The following CCDC198 variants were observed in gnomAD, a reference collection of about 807,000 sequenced individuals.
CCDC198 encodes coiled-coil domain containing 198.
CCDC198 carries 18 observed loss-of-function variants against 35.6 expected under a neutral mutation model. The observed-to-expected ratio is 0.51, with a 90% CI of 0.35 to 0.75. CCDC198 has a LOEUF of 0.75. Ranked by LOEUF, CCDC198 falls within the 30% of genes least tolerant of loss-of-function variation. The pLI is 0.01. For missense variants in CCDC198, 365 were observed against 343.7 expected (o/e 1.06, Z -0.49); for synonymous variants, 119 against 113.4 (o/e 1.05, Z -0.31).
chr14:57,485,213 G>T (rs2067318422), intron 2 of CCDC198, among the ~76,000 whole-genome samples: 1 of 152,116 alleles, frequency 6.6e-6, no homozygotes, highest in Non-Finnish European at 1.5e-5. Flanking sequence ...GAGATTTTGG[G>T]GAATAATCCC....
intron 2 of CCDC198, among the ~76,000 whole-genome samples, chr14:57,488,758 C>G (rs543989014): frequency 5.5e-4 from 83 of 152,110 alleles, no homozygotes; most frequent in African/African-American, 2.0e-3. Context: ...TGCATACAGT[C>G]AACAAACATG....
intron 2 of CCDC198, among the ~76,000 whole-genome samples, chr14:57,484,639 C>G (rs1361051442): frequency 6.6e-6 from 1 of 152,150 alleles, no homozygotes; most frequent in African/African-American, 2.4e-5. Context: ...TGATCATGAT[C>G]TCTTGAAGGA....
At chr14:57,475,799 T>C (rs2066974701) in intron 5 of CCDC198, 3 of 249,638 alleles carry the variant, frequency 1.2e-5, no homozygotes, top group Non-Finnish European at 1.5e-5. Context: ...TTTTTTTTTT[T>C]TTTTTTTTTT....
At chr14:57,486,567 C>T (rs2067367395) in intron 2 of CCDC198, among the ~76,000 whole-genome samples, 3 of 152,060 alleles carry the variant, frequency 2.0e-5, no homozygotes. Context: ...TCAAAACTCT[C>T]CCAGGGATTC....
Position 57,481,001 on chromosome 14 carries a change from C to A in CCDC198, c.496-247G>T, listed in dbSNP as rs377292177. Among the ~76,000 whole-genome samples the A allele has an allele frequency of 2.0e-4, 30 of 152,298 alleles. No individual in the cohort carries two copies. In the East Asian group the frequency reaches 4.2e-3, roughly 22 times the overall value. ...GGCTCAATTAAGATGAGGACCTTTA[C>A]AAAAGTGTGTTTCTGTCAGCTAGCT... On this transcript the variant is annotated intron_variant, in intron 4 of 5. Transcript: ENST00000216445.
intron 5 of CCDC198, chr14:57,480,226 C>A (rs1566579078): frequency 2.0e-6 from 2 of 982,068 alleles, no homozygotes; most frequent in Non-Finnish European, 2.4e-6. Context: ...ACCAACTCTG[C>A]TGAAGCAAAT....
intron 2 of CCDC198, among the ~76,000 whole-genome samples, chr14:57,484,339 T>C (rs2067286018): frequency 6.6e-6 from 1 of 152,006 alleles, no homozygotes; most frequent in African/African-American, 2.4e-5. Context: ...GATGTGAAGA[T>C]GAAGAGAGAG....
chr14:57,492,521 A>T (rs986530794), intron 1 of CCDC198, among the ~76,000 whole-genome samples: 10 of 152,044 alleles, frequency 6.6e-5, no homozygotes, highest in African/African-American at 2.4e-4. Flanking sequence ...TATCTATCAT[A>T]AAAAAATTCC....
At chr14:57,481,705 G>T in intron 3 of CCDC198, 45 bp from the exon 4 acceptor site, 1 of 1,219,638 alleles carries the variant, frequency 8.2e-7, no homozygotes, top group South Asian at 1.2e-5. Flanking sequence ...ATTTGTTACT[G>T]ACTCTGCAAT....
At chr14:57,486,358 A>C (rs1281533335) in intron 2 of CCDC198, among the ~76,000 whole-genome samples, 2 of 152,160 alleles carry the variant, frequency 1.3e-5, no homozygotes, top group African/African-American at 4.8e-5. Flanking sequence ...AAGGTTGAAC[A>C]GCTAGAAAGT....
chr14:57,472,762 C>T (rs1397785738), intron 5 of CCDC198, among the ~76,000 whole-genome samples: 1 of 151,966 alleles, frequency 6.6e-6, no homozygotes, highest in African/African-American at 2.4e-5. Context: ...TTAAGCAGTT[C>T]CCAGCATTCT....
intron 5 of CCDC198, among the ~76,000 whole-genome samples, chr14:57,479,473 T>C (rs2067112040): frequency 6.6e-6 from 1 of 152,178 alleles, no homozygotes; most frequent in Non-Finnish European, 1.5e-5. Context: ...TGGTCAGATT[T>C]GCATTTTATG....
intron 2 of CCDC198, among the ~76,000 whole-genome samples, chr14:57,486,419 C>G (rs1431439790): frequency 6.6e-6 from 1 of 151,792 alleles, no homozygotes; most frequent in African/African-American, 2.4e-5. Flanking sequence ...ATCTAAAGCT[C>G]TTTTCTGCAC....
intron 5 of CCDC198, among the ~76,000 whole-genome samples, chr14:57,472,290 G>A (rs530413571): frequency 2.0e-5 from 3 of 151,746 alleles, no homozygotes; most frequent in East Asian, 3.9e-4. Flanking sequence ...CCCCATCACC[G>A]TTCCTCCTCT....
At position 57,480,732 on chromosome 14, in the gene CCDC198, CT is replaced by C; in HGVS notation, c.517del (p.Ser173ValfsTer34). The C allele has an allele frequency of 9.3e-6, 15 of 1,613,998 alleles. No individual in the cohort carries two copies. Among genetic ancestry groups the C allele is most frequent in the Non-Finnish European group, 1.2e-5 (14 of 1,179,982 alleles). ...RQEAQMELKK[S>X]LHGEARINKQ... The stretch of plus-strand genomic sequence containing the variant: ...ATTAATTCTTGCCTCTCCATGAAGA[CT>C]TTTCTTTAACTCCATTTGGGCCTGA... On this transcript the variant is annotated frameshift_variant, in exon 5 of 6. Coordinates refer to ENST00000216445, the MANE Select transcript of CCDC198 (RefSeq NM_018168.4). LOFTEE classifies it high-confidence loss of function.
intron 2 of CCDC198, chr14:57,483,439 T>A (rs1473395968): frequency 3.0e-6 from 1 of 332,306 alleles, no homozygotes; most frequent in African/African-American, 2.1e-5. Flanking sequence ...TAAGGGACCA[T>A]GTCCAAAGTT....
Position 57,471,067 on chromosome 14 carries a change from T to G in CCDC198, c.*288A>C. 1 of 296,188 alleles carries G rather than the reference T, an allele frequency of 3.4e-6. No individual in the cohort carries two copies. The highest frequency in any genetic ancestry group is 6.3e-6 in the Non-Finnish European group (1 of 158,186). The allele number at this position is 296,188 out of a possible 1,614,324, so 18.3% of individuals were successfully genotyped here. On this transcript the variant is annotated 3_prime_UTR_variant, in exon 6 of 6. Coordinates refer to ENST00000216445, the MANE Select transcript of CCDC198 (RefSeq NM_018168.4). Reference sequence around the variant, plus strand: ...AGTCCAATTTCAATGACATGAAAGATTTCAAAAGGGAACAGCAGAAGAACC... The same window carrying G: ...AGTCCAATTTCAATGACATGAAAGAGTTCAAAAGGGAACAGCAGAAGAACC...
intron 2 of CCDC198, among the ~76,000 whole-genome samples, chr14:57,488,950 T>C (rs1204106385): frequency 1.3e-5 from 2 of 152,172 alleles, no homozygotes; most frequent in Non-Finnish European, 2.9e-5. Context: ...TCAACCATTG[T>C]GGAAGACAGT....
chr14:57,473,744 T>C (rs1251878756), intron 5 of CCDC198, among the ~76,000 whole-genome samples: 1 of 152,178 alleles, frequency 6.6e-6, no homozygotes, highest in Admixed American at 6.6e-5. Flanking sequence ...CTTATGCCAC[T>C]CTCCTGCCTT....
Sources: gnomAD v4.1 joint callset for allele counts (sites outside exome capture counted in the v4.1 genomes callset) on GRCh38, gnomAD v4.1.1 for gene constraint, MANE v1.5 for transcripts, NCBI Gene and HGNC (gene_info 2026-07-23, HGNC 2026-07-21) for gene names.